The following DYNC2I1 variants were observed in gnomAD, a reference collection of about 807,000 sequenced individuals.
The protein encoded by DYNC2I1 is cytoplasmic dynein 2 intermediate chain 1.
A neutral mutation model predicts 133.4 loss-of-function variants in DYNC2I1; 89 were observed. The observed-to-expected ratio is 0.67, with a 90% CI of 0.56 to 0.80. The LOEUF is 0.80. DYNC2I1 is among the 30% of genes least tolerant of loss of function. DYNC2I1 has a pLI of 0.00. For missense variants in DYNC2I1, 1,291 were observed against 1,314.5 expected (o/e 0.98, Z 0.28); for synonymous variants, 504 against 484.3 (o/e 1.04, Z -0.54).
chr7:158,858,812 C>A (rs1377310306), intron 1 of DYNC2I1, among the ~76,000 whole-genome samples: 8 of 112,708 alleles, frequency 7.1e-5, no homozygotes, highest in African/African-American at 2.4e-4. Context: ...CCCCTCCCCC[C>A]ACTTTCCTCT....
intron 11 of DYNC2I1, among the ~76,000 whole-genome samples, 173 bp from the exon 12 acceptor site, chr7:158,911,373 ACTGT>A (rs1192160053): frequency 8.5e-5 from 13 of 152,146 alleles, no homozygotes; most frequent in Admixed American, 8.5e-4. Flanking sequence ...GGTTCCCACG[ACTGT>A]CTACTACTCA....
Position 158,882,670 on chromosome 7 carries a change from C to T in DYNC2I1, c.880-1894C>T, listed in dbSNP as rs758160059. On this transcript the variant is annotated intron_variant, in intron 5 of 24. Coordinates refer to ENST00000407559, the MANE Select transcript of DYNC2I1 (RefSeq NM_018051.5). ...GGTGGATCACTTGAGGTCAGGAGTT[C>T]GAGACCAGCCTGGCTAACATAGTGA... is the stretch of plus-strand genomic sequence containing the variant. 5.9e-5 allele frequency among the ~76,000 whole-genome samples: 9 copies of T among 152,086 alleles called. No individual in the cohort carries two copies. In the East Asian group the frequency reaches 7.7e-4, roughly 13 times the overall value.
intron 8 of DYNC2I1, among the ~76,000 whole-genome samples, chr7:158,892,455 A>G (rs1845319284): frequency 6.6e-6 from 1 of 151,878 alleles, no homozygotes; most frequent in South Asian, 2.1e-4. Context: ...TTTTATATTT[A>G]TTTTGAGTCA....
intron 1 of DYNC2I1, among the ~76,000 whole-genome samples, chr7:158,857,900 C>T (rs1371544103): frequency 6.6e-6 from 1 of 151,668 alleles, no homozygotes; most frequent in Non-Finnish European, 1.5e-5. Flanking sequence ...CAGCGATTCT[C>T]CTGCCTCAGC....
At chr7:158,876,795 G>A in intron 4 of DYNC2I1, 104 bp downstream of exon 4, 1 of 1,418,090 alleles carries the variant, frequency 7.1e-7, no homozygotes, top group Non-Finnish European at 9.2e-7. Context: ...CCTAAGCCAG[G>A]ATTTCAGTCC....
chr7:158,868,582 G>A (rs1842616412), intron 1 of DYNC2I1, among the ~76,000 whole-genome samples: 1 of 152,254 alleles, frequency 6.6e-6, no homozygotes, highest in Non-Finnish European at 1.5e-5. Context: ...CGGTGTGTGC[G>A]AGGAGCTTGG....
chr7:158,872,746 T>G (rs1213552063), intron 3 of DYNC2I1, among the ~76,000 whole-genome samples: 1 of 148,640 alleles, frequency 6.7e-6, no homozygotes, highest in East Asian at 2.0e-4. Flanking sequence ...CCTGTAATCC[T>G]AGCACTTTGG....
intron 14 of DYNC2I1, 148 bp from the exon 15 acceptor site, chr7:158,918,592 G>A: frequency 1.2e-6 from 1 of 809,902 alleles, no homozygotes; most frequent in Non-Finnish European, 1.9e-6. Flanking sequence ...GAGCAGAAAG[G>A]ACCGTATCGT....
chr7:158,900,347 C>T (rs542384967), intron 8 of DYNC2I1, among the ~76,000 whole-genome samples: 2 of 152,258 alleles, frequency 1.3e-5, no homozygotes, highest in South Asian at 4.2e-4. Context: ...GTCTTGAACT[C>T]CTGACCTCAG....
rs186204860 is a variant in DYNC2I1 at position 158,920,710 on chromosome 7, A to G, written c.1922-1667A>G. Among the ~76,000 whole-genome samples, 37 of 152,354 alleles carry G rather than the reference A, an allele frequency of 2.4e-4. 1 individual carries two copies. In the East Asian group the frequency reaches 5.4e-3, roughly 22 times the overall value. Reference sequence around the variant, plus strand: ...TGTTTGCTTAGTTTTGTGTTCTGGTAAAATGAATATTGAGATAGCAGAAGG... The same window carrying G: ...TGTTTGCTTAGTTTTGTGTTCTGGTGAAATGAATATTGAGATAGCAGAAGG... On this transcript the variant is annotated intron_variant, in intron 15 of 24. Coordinates refer to ENST00000407559, the MANE Select transcript of DYNC2I1 (RefSeq NM_018051.5).
chr7:158,880,082 A>G, intron 5 of DYNC2I1, 93 bp downstream of exon 5: 1 of 1,427,790 alleles, frequency 7.0e-7, no homozygotes, highest in African/African-American at 1.4e-5. Flanking sequence ...GACAAGGTTG[A>G]GATTTGTGGC....
intron 9 of DYNC2I1, 114 bp from the exon 10 acceptor site, chr7:158,902,262 G>A (rs1363313155): frequency 7.1e-6 from 6 of 845,658 alleles, no homozygotes; most frequent in South Asian, 1.8e-5. Flanking sequence ...TTTCTTAGCT[G>A]TAATAAGGAC....
chr7:158,911,495 TC>T (rs777211101), intron 11 of DYNC2I1, 54 bp from the exon 12 acceptor site: 1 of 1,583,248 alleles, frequency 6.3e-7, no homozygotes, highest in Non-Finnish European at 8.6e-7. Context: ...TCCCTACACT[TC>T]CCCACGTATA....
intron 11 of DYNC2I1, among the ~76,000 whole-genome samples, chr7:158,906,677 C>G (rs1005365609): frequency 6.6e-6 from 1 of 152,042 alleles, no homozygotes; most frequent in African/African-American, 2.4e-5. Context: ...AGGCTGGTCT[C>G]GAACTCCCGA....
At chr7:158,892,465 A>G (rs898549911) in intron 8 of DYNC2I1, among the ~76,000 whole-genome samples, 3 of 152,014 alleles carry the variant, frequency 2.0e-5, no homozygotes, top group Non-Finnish European at 4.4e-5. Flanking sequence ...ATTTTGAGTC[A>G]GGGGCTCGCT....
chr7:158,848,735 T>G, the DYNC2I1 span, among the ~76,000 whole-genome samples: 1 of 152,092 alleles, frequency 6.6e-6, no homozygotes, highest in Non-Finnish European at 1.5e-5. Flanking sequence ...CCATTCTGGC[T>G]AACACGGTGA....
At chr7:158,871,602 G>A (rs757481126) in intron 3 of DYNC2I1, 40 bp downstream of exon 3, 3 of 1,487,144 alleles carry the variant, frequency 2.0e-6, no homozygotes, top group Non-Finnish European at 2.7e-6. Flanking sequence ...CACCCGAGGT[G>A]CCGCGTCGCT....
intron 3 of DYNC2I1, 67 bp downstream of exon 3, chr7:158,871,629 T>C (rs1172702660): frequency 7.6e-7 from 1 of 1,310,422 alleles, no homozygotes; most frequent in Middle Eastern, 2.6e-4. Context: ...GACAGGTTGA[T>C]AGCTCGCTGC....
Position 158,881,666 on chromosome 7 carries a change from G to A in DYNC2I1, c.879+1677G>A, listed in dbSNP as rs1035235693. Among the ~76,000 whole-genome samples, 11 of 152,158 alleles carry A rather than the reference G, an allele frequency of 7.2e-5. No homozygotes were observed. The East Asian group carries it at 1.5e-3, about 21-fold the overall frequency. The stretch of plus-strand genomic sequence containing the variant: ...GACGGGGTTTCACCGTGTTAGCCAG[G>A]ATGGTCTCAATCTCCTGACCTCATG... On this transcript the variant is annotated intron_variant, in intron 5 of 24. Coordinates refer to ENST00000407559, the MANE Select transcript of DYNC2I1 (RefSeq NM_018051.5).
Sources: gnomAD v4.1 joint callset for allele counts (sites outside exome capture counted in the v4.1 genomes callset) on GRCh38, gnomAD v4.1.1 for gene constraint, MANE v1.5 for transcripts, NCBI Gene and HGNC (gene_info 2026-07-23, HGNC 2026-07-21) for gene names.